The following SRF variants were observed in gnomAD, a reference collection of about 807,000 sequenced individuals.
SRF encodes serum response factor, also known as c-fos serum response element-binding transcription factor.
SRF carries 7 observed loss-of-function variants against 37.1 expected under a neutral mutation model. The ratio of observed to expected loss-of-function variants is 0.19; its 90% CI spans 0.11 to 0.35. SRF has a LOEUF of 0.35. SRF is among the 10% of genes least tolerant of loss of function. The probability of loss-of-function intolerance (pLI) is 1.00; values close to 1 mark genes in which losing one functional copy is unlikely to be tolerated. For synonymous variants in SRF, 285 were observed against 310.1 expected (o/e 0.92, Z 0.85); for missense variants, 395 against 694.4 (o/e 0.57, Z 4.85).
chr6:43,171,524 A>AGCGGCGGCC lies in SRF; in HGVS notation c.-127_-119dup. Reference sequence around the variant, plus strand: ...GGGCGTGCAGGGGCCCCGGGTTCGCAGCGGCGGCCGCGGCAGCGATAGCGG... The same window carrying AGCGGCGGCC: ...GGGCGTGCAGGGGCCCCGGGTTCGCAGCGGCGGCCGCGGCGGCCGCGGCAGCGATAGCGG... On this transcript the variant is annotated 5_prime_UTR_variant, in exon 1 of 7. Transcript: ENST00000265354. The surrounding 1 kb of genome is among the most constrained non-coding windows in gnomAD (Gnocchi z 6.5). 1 of 1,025,834 alleles carries AGCGGCGGCC rather than the reference A, an allele frequency of 9.7e-7. No individual in the cohort carries two copies. Among genetic ancestry groups the AGCGGCGGCC allele is most frequent in the Admixed American group, 4.7e-5 (1 of 21,426 alleles). 63.5% of individuals were successfully genotyped at this position (1,025,834 alleles called of 1,614,324 possible). A position where few individuals can be genotyped will look rare whatever the true frequency, so the allele number is the denominator to read the frequency against.
chr6:43,172,375 C>T lies in SRF; in HGVS notation c.513+206C>T, dbSNP rs73736720. On this transcript the variant is annotated intron_variant, in intron 1 of 6. Transcript: ENST00000265354. The surrounding 1 kb of genome is among the most constrained non-coding windows in gnomAD (Gnocchi z 5.7). The stretch of plus-strand genomic sequence containing the variant: ...GGGGAGAGGGGAGATCCCGCGAACG[C>T]TCGCAACCGTGGGGAAAGGCGCAGA... 4,497 of 985,240 alleles carry T rather than the reference C, an allele frequency of 4.6e-3. 152 individuals carry two copies. In the African/African-American group the frequency reaches 0.071, roughly 15 times the overall value. 61.0% of individuals were successfully genotyped at this position (985,240 alleles called of 1,614,324 possible).
At position 43,179,063 on chromosome 6, in the gene SRF, C is replaced by T; in HGVS notation, c.1432-32C>T. 6.2e-7 allele frequency: 1 copy of T among 1,612,488 alleles called. No homozygotes were observed. Among genetic ancestry groups the T allele is most frequent in the Non-Finnish European group, 8.5e-7 (1 of 1,178,712 alleles). On this transcript the variant is annotated intron_variant, in intron 6 of 6. Coordinates refer to ENST00000265354, the MANE Select transcript of SRF (RefSeq NM_003131.4). This position sits in a 1 kb window ranked among gnomAD's most constrained non-coding sequence, Gnocchi z 5.3. Reference sequence around the variant, plus strand: ...GGAGCCTGAACTGGCTGGCCAGTCCCTGCCCCTCCTCATACATCCCCTTCC... The same window carrying T: ...GGAGCCTGAACTGGCTGGCCAGTCCTTGCCCCTCCTCATACATCCCCTTCC...
rs1490091667 is a variant in SRF, at chr6:43,179,506, G to T, written c.*316G>T. The T allele has an allele frequency of 2.7e-6, 1 of 376,600 alleles. No homozygotes were observed. The highest frequency in any genetic ancestry group is 2.1e-5 in the African/African-American group (1 of 48,212). The allele number at this position is 376,600 out of a possible 1,614,324, so 23.3% of individuals were successfully genotyped here. Reference sequence around the variant, plus strand: ...GAGTATTAGCTTACCCAATGGGACCGTGCCCCACCTCCCCACACACAGGCC... The same window carrying T: ...GAGTATTAGCTTACCCAATGGGACCTTGCCCCACCTCCCCACACACAGGCC... On this transcript the variant is annotated 3_prime_UTR_variant, in exon 7 of 7. Coordinates refer to ENST00000265354, the MANE Select transcript of SRF (RefSeq NM_003131.4). This position sits in a 1 kb window ranked among gnomAD's most constrained non-coding sequence, Gnocchi z 5.3.
chr6:43,181,431 C>T lies in SRF; in HGVS notation c.*2241C>T, dbSNP rs1322893308. 6.6e-6 allele frequency: 1 copy of T among 152,452 alleles called. No homozygotes were observed. Among genetic ancestry groups the T allele is most frequent in the African/African-American group, 2.4e-5 (1 of 41,346 alleles). 9.4% of individuals were successfully genotyped at this position (152,452 alleles called of 1,614,324 possible). A position where few individuals can be genotyped will look rare whatever the true frequency, so the allele number is the denominator to read the frequency against. The stretch of plus-strand genomic sequence containing the variant: ...GACCCAGGAATAGTGGACATGGTCA[C>T]AGTCCTATGTACAGAGCTTTCTTTT... On this transcript the variant is annotated 3_prime_UTR_variant, in exon 7 of 7. Transcript: ENST00000265354.
At position 43,178,122 on chromosome 6, in the gene SRF, G is replaced by A. The variant is rs1772240480; in HGVS notation, c.1163-172G>A. 6.6e-6 allele frequency among the ~76,000 whole-genome samples: 1 copy of A among 152,166 alleles called. No homozygotes were observed. Among genetic ancestry groups the A allele is most frequent in the Non-Finnish European group, 1.5e-5 (1 of 68,030 alleles). ...TACAATTAAAGATTGATGCTGTTGT[G>A]TTCAAGAAAAAATAGGCTTTTCTTA... is the stretch of plus-strand genomic sequence containing the variant. On this transcript the variant is annotated intron_variant, in intron 4 of 6. Transcript: ENST00000265354. This position sits in a 1 kb window ranked among gnomAD's most constrained non-coding sequence, Gnocchi z 4.3.
chr6:43,173,573 G>A lies in SRF; in HGVS notation c.514-274G>A, dbSNP rs1014310983. 1.3e-5 allele frequency among the ~76,000 whole-genome samples: 2 copies of A among 152,086 alleles called. No homozygotes were observed. The highest frequency in any genetic ancestry group is 6.5e-5 in the Admixed American group (1 of 15,270). The stretch of plus-strand genomic sequence containing the variant: ...TGGGGAGCAGCTAGCTGGGTCCTTC[G>A]TATCCCCTGAAGTTATATGTTCCAT... On this transcript the variant is annotated intron_variant, in intron 1 of 6. Coordinates refer to ENST00000265354, the MANE Select transcript of SRF (RefSeq NM_003131.4). The surrounding 1 kb of genome is among the most constrained non-coding windows in gnomAD (Gnocchi z 4.2).
rs911199952 is a variant in SRF, at chr6:43,175,718, C to T, written c.793C>T (p.Pro265Ser). ...SSGETKDTLK[P>S]AFTVTNLPGT... ...ACTCTGGGTATAGGACACACTGAAG[C>T]CGGCGTTCACAGTCACCAACCTGCC... The change falls in exon 3 of 7, where the codon CCG becomes TCG. Residue 265 changes from proline (P) to serine (S), a missense_variant. This residue lies in a region of SRF where 232 missense variants were observed against 335.6 expected (regional missense o/e 0.69). Coordinates refer to ENST00000265354, the MANE Select transcript of SRF (RefSeq NM_003131.4). 9.3e-6 allele frequency: 15 copies of T among 1,614,140 alleles called. No homozygotes were observed. Among genetic ancestry groups the T allele is most frequent in the Non-Finnish European group, 1.0e-5 (12 of 1,180,014 alleles).
Position 43,179,341 on chromosome 6 carries a change from A to T in SRF, c.*151A>T. 1.3e-6 allele frequency: 1 copy of T among 758,590 alleles called. No individual in the cohort carries two copies. The allele number at this position is 758,590 out of a possible 1,614,324, so 47.0% of individuals were successfully genotyped here. A position where few individuals can be genotyped will look rare whatever the true frequency, so the allele number is the denominator to read the frequency against. ...CCACAGGACTGAGCCCTCTCACTCC[A>T]GCCAAAGAAATGGGCCTGCCTGCCT... On this transcript the variant is annotated 3_prime_UTR_variant, in exon 7 of 7. Coordinates refer to ENST00000265354, the MANE Select transcript of SRF (RefSeq NM_003131.4). The surrounding 1 kb of genome is among the most constrained non-coding windows in gnomAD (Gnocchi z 5.3).
chr6:43,178,267 G>T lies in SRF; in HGVS notation c.1163-27G>T. 1 of 1,574,004 alleles carries T rather than the reference G, an allele frequency of 6.4e-7. No homozygotes were observed. Among genetic ancestry groups the T allele is most frequent in the South Asian group, 1.2e-5 (1 of 86,214 alleles). ...GGAGTTATCAGTGGGGACCAGTGCC[G>T]AGCTGACACATGTCTGTGTTTGCCA... On this transcript the variant is annotated intron_variant, in intron 4 of 6. Transcript: ENST00000265354. The surrounding 1 kb of genome is among the most constrained non-coding windows in gnomAD (Gnocchi z 4.3).
In SRF at chr6:43,172,194, C is replaced by A. The variant is rs1772121285; in HGVS notation, c.513+25C>A. On this transcript the variant is annotated intron_variant, in intron 1 of 6. Transcript: ENST00000265354. The surrounding 1 kb of genome is among the most constrained non-coding windows in gnomAD (Gnocchi z 5.7). Reference sequence around the variant, plus strand: ...GGTACCAAGCCGGGGGGCTGGCCGGCCCCGGGGCCCGGTTGGGGTGGGGAT... The same window carrying A: ...GGTACCAAGCCGGGGGGCTGGCCGGACCCGGGGCCCGGTTGGGGTGGGGAT... The A allele has an allele frequency of 6.3e-7, 1 of 1,599,298 alleles. No individual in the cohort carries two copies. The highest frequency in any genetic ancestry group is 8.5e-7 in the Non-Finnish European group (1 of 1,176,592).
chr6:43,174,699 C>T lies in SRF; in HGVS notation c.780+586C>T, dbSNP rs529515173. ...CTCCCTTGCTGTCTGGGGAGCTCCA[C>T]CTTCCGGGTGGCACTTAACTGACTG... is the stretch of plus-strand genomic sequence containing the variant. On this transcript the variant is annotated intron_variant, in intron 2 of 6. Transcript: ENST00000265354. Among the ~76,000 whole-genome samples, 14 of 152,360 alleles carry T rather than the reference C, an allele frequency of 9.2e-5. No individual in the cohort carries two copies. The East Asian group carries it at 2.7e-3, about 29-fold the overall frequency.
At chr6:43,174,159 C>T in intron 2 of SRF, 46 bp downstream of exon 2, 2 of 1,601,446 alleles carry the variant, frequency 1.2e-6, no homozygotes, top group East Asian at 2.2e-5. Context: ...GAGTGGGGTC[C>T]CTCTCCCTTT....
At position 43,178,911 on chromosome 6, in the gene SRF, C is replaced by T. The variant is rs1772254125; in HGVS notation, c.1431+29C>T. ...GGTAGGGATATCTTTCACCCCATCC[C>T]AGATAGCCACTTCTTTGTCTTGACC... is the stretch of plus-strand genomic sequence containing the variant. On this transcript the variant is annotated intron_variant, in intron 6 of 6. Coordinates refer to ENST00000265354, the MANE Select transcript of SRF (RefSeq NM_003131.4). This position sits in a 1 kb window ranked among gnomAD's most constrained non-coding sequence, Gnocchi z 4.3. The T allele has an allele frequency of 6.2e-7, 1 of 1,609,106 alleles. No homozygotes were observed. Among genetic ancestry groups the T allele is most frequent in the African/African-American group, 1.3e-5 (1 of 74,828 alleles).
Position 43,171,656 on chromosome 6 carries a change from C to A in SRF, c.-1C>A. 2 of 1,212,016 alleles carry A rather than the reference C, an allele frequency of 1.7e-6. No homozygotes were observed. The highest frequency in any genetic ancestry group is 4.0e-5 in the South Asian group (1 of 24,908). 75.1% of individuals were successfully genotyped at this position (1,212,016 alleles called of 1,614,324 possible). ...CCGTCCGCCCTCCTGCATCGAGCGC[C>A]ATGTTACCGACCCAAGCTGGGGCCG... On this transcript the variant is annotated 5_prime_UTR_variant, in exon 1 of 7. Coordinates refer to ENST00000265354, the MANE Select transcript of SRF (RefSeq NM_003131.4). The surrounding 1 kb of genome is among the most constrained non-coding windows in gnomAD (Gnocchi z 6.5).
rs1324976882 is a variant in SRF at position 43,176,050 on chromosome 6, G to A, written c.1042+83G>A. The A allele has an allele frequency of 7.2e-6, 11 of 1,536,116 alleles. No individual in the cohort carries two copies. The highest frequency in any genetic ancestry group is 2.2e-4 in the Middle Eastern group (1 of 4,488). On this transcript the variant is annotated intron_variant, in intron 3 of 6. Transcript: ENST00000265354. The surrounding 1 kb of genome is among the most constrained non-coding windows in gnomAD (Gnocchi z 4.0). The stretch of plus-strand genomic sequence containing the variant: ...AGAGTGTGTTTAGGGCTGGCACCAA[G>A]AGAACCTCTTTCCCTGCTCAGAAGG...
In SRF at chr6:43,175,982, G is replaced by T. The variant is rs373298629; in HGVS notation, c.1042+15G>T. 1 of 1,605,946 alleles carries T rather than the reference G, an allele frequency of 6.2e-7. No homozygotes were observed. Among genetic ancestry groups the T allele is most frequent in the African/African-American group, 1.3e-5 (1 of 74,812 alleles). The stretch of plus-strand genomic sequence containing the variant: ...CCTCATGCCTGGTGAGTCACGAGGG[G>T]CAGGGAGAGATTCGTCCTTCCTGGG... On this transcript the variant is annotated intron_variant, in intron 3 of 6. Transcript: ENST00000265354.
At chr6:43,174,172 G>T in intron 2 of SRF, 59 bp downstream of exon 2, 4 of 1,585,706 alleles carry the variant, frequency 2.5e-6, no homozygotes, top group Non-Finnish European at 3.4e-6. Flanking sequence ...CTCCCTTTCT[G>T]GCCCAGGACA....
At position 43,172,306 on chromosome 6, in the gene SRF, C is replaced by T. The variant is rs562109207; in HGVS notation, c.513+137C>T. The T allele has an allele frequency of 4.7e-4, 673 of 1,436,018 alleles. 12 individuals carry two copies. The South Asian group carries it at 7.0e-3, about 15-fold the overall frequency. The allele number at this position is 1,436,018 out of a possible 1,614,324, so 89.0% of individuals were successfully genotyped here. A position where few individuals can be genotyped will look rare whatever the true frequency, so the allele number is the denominator to read the frequency against. On this transcript the variant is annotated intron_variant, in intron 1 of 6. Coordinates refer to ENST00000265354, the MANE Select transcript of SRF (RefSeq NM_003131.4). The surrounding 1 kb of genome is among the most constrained non-coding windows in gnomAD (Gnocchi z 5.7). ...AGGAGGTGTGTGGGAGGGGATGGCT[C>T]CTGCCCGGGGAGGGCCGAAGGGGAG...
At position 43,178,457 on chromosome 6, in the gene SRF, G is replaced by T. The variant is rs776515081; in HGVS notation, c.1326G>T (p.Gln442His). Reference protein sequence around the residue: ...NAFSQAPSTMQVSHSQVQEPG... With the variant: ...NAFSQAPSTMHVSHSQVQEPG... ...TCTCCCAGGCACCATCCACCATGCA[G>T]GTGTCACACAGCCAGGTCCAGGAGC... Residue 442 changes from glutamine (Q) to histidine (H), a missense_variant, in exon 5 of 7, where the codon CAG (glutamine) becomes CAT (histidine). Gln to His is a conservative substitution (Grantham distance 24, BLOSUM62 0). Transcript: ENST00000265354. This position sits in a 1 kb window ranked among gnomAD's most constrained non-coding sequence, Gnocchi z 4.3. The T allele has an allele frequency of 3.7e-6, 6 of 1,613,810 alleles. No homozygotes were observed. In the South Asian group the frequency reaches 5.5e-5, roughly 15 times the overall value.
Sources: allele counts gnomAD v4.1 joint callset (sites outside exome capture counted in the v4.1 genomes callset), GRCh38; gene constraint gnomAD v4.1.1; regional missense constraint gnomAD v4.1.1; non-coding constraint Gnocchi (gnomAD v3.1); transcripts MANE v1.5; gene names NCBI Gene and HGNC (gene_info 2026-07-23, HGNC 2026-07-21).